Variants in HDAC9 observed in about 807,000 individuals in gnomAD.
The protein encoded by HDAC9 is histone deacetylase 9.
In HDAC9, 41 loss-of-function variants were observed where a neutral mutation model predicts 139.4. The observed-to-expected ratio is 0.29, with a 90% confidence interval of 0.23 to 0.38. The LOEUF is 0.38. Ranked by LOEUF, HDAC9 falls within the 10% of genes least tolerant of loss-of-function variation. The pLI, the probability that HDAC9 is intolerant of heterozygous loss-of-function variation, is 1.00. For synonymous variants in HDAC9, 517 were observed against 476.2 expected (o/e 1.09, Z -1.12); for missense variants, 1,147 against 1,297.0 (o/e 0.88, Z 1.78).
intron 1 of HDAC9, among the ~76,000 whole-genome samples, chr7:18,292,281 C>T (rs931861020): frequency 1.3e-5 from 2 of 152,032 alleles, no homozygotes; most frequent in Middle Eastern, 6.3e-3. Context: ...GCTACTTACC[C>T]AGCTCATAAG....
chr7:18,136,436 G>A (rs895737339), intron 1 of HDAC9, among the ~76,000 whole-genome samples: 1 of 151,598 alleles, frequency 6.6e-6, no homozygotes, highest in Non-Finnish European at 1.5e-5. Context: ...TATGGTTTTA[G>A]GTCTAACGTT....
intron 2 of HDAC9, among the ~76,000 whole-genome samples, chr7:18,582,520 A>ATTT (rs372889538): frequency 1.3e-5 from 2 of 151,878 alleles, no homozygotes; most frequent in African/African-American, 4.8e-5. Flanking sequence ...ATATATATAT[A>ATTT]TTTTTTAAAT....
At chr7:18,096,322 A>G (rs1425654254) in intron 1 of HDAC9, among the ~76,000 whole-genome samples, 1 of 152,176 alleles carries the variant, frequency 6.6e-6, no homozygotes, top group Non-Finnish European at 1.5e-5. Context: ...AACAGACTTT[A>G]TTTGTTTAGC....
At chr7:18,960,682 A>T (rs1206194155) in intron 24 of HDAC9, among the ~76,000 whole-genome samples, 4 of 152,186 alleles carry the variant, frequency 2.6e-5, no homozygotes, top group African/African-American at 9.6e-5. Flanking sequence ...GGAAAAGGCT[A>T]TAAAAGTAAA....
At chr7:18,260,311 G>GTTTT (rs1356981975) in intron 2 of HDAC9, among the ~76,000 whole-genome samples, 30 of 55,034 alleles carry the variant, frequency 5.5e-4, no homozygotes, top group African/African-American at 1.1e-3. Context: ...ACTTTTTTTT[G>GTTTT]TTTTTTTTTT....
At chr7:18,700,550 A>G (rs1252768280) in intron 12 of HDAC9, among the ~76,000 whole-genome samples, 1 of 152,186 alleles carries the variant, frequency 6.6e-6, no homozygotes, top group Non-Finnish European at 1.5e-5. Flanking sequence ...TTTTTGGAGG[A>G]ACAGTATTGA....
intron 1 of HDAC9, among the ~76,000 whole-genome samples, chr7:18,417,858 C>A (rs1037702060): frequency 6.6e-6 from 1 of 152,120 alleles, no homozygotes; most frequent in African/African-American, 2.4e-5. Context: ...TAATAGAGAT[C>A]TTTTATAGAT....
chr7:18,865,827 T>C (rs12700002), intron 21 of HDAC9, among the ~76,000 whole-genome samples: 78,445 of 151,814 alleles, frequency 0.52, 21,621 homozygotes, highest in African/African-American at 0.72. Context: ...AATAAAAGTT[T>C]TTGTACCATT....
At chr7:18,415,419 T>C (rs1562965440) in intron 1 of HDAC9, among the ~76,000 whole-genome samples, 1 of 152,208 alleles carries the variant, frequency 6.6e-6, no homozygotes, top group Non-Finnish European at 1.5e-5. Context: ...AGTGAATCCA[T>C]CAGGAACCTC....
At chr7:18,458,895 T>C in intron 1 of HDAC9, 1 of 1,533,200 alleles carries the variant, frequency 6.5e-7, no homozygotes, top group Non-Finnish European at 8.7e-7. Context: ...CTGTAGGATC[T>C]TCCCAGGTAG....
At chr7:18,902,294 T>G (rs970002591) in intron 22 of HDAC9, among the ~76,000 whole-genome samples, 2 of 152,172 alleles carry the variant, frequency 1.3e-5, no homozygotes, top group Admixed American at 1.3e-4. Context: ...TGGGGCTGTT[T>G]AGTAAAATAT....
chr7:18,712,768 G>A (rs1207906541), intron 12 of HDAC9, among the ~76,000 whole-genome samples: 4 of 152,096 alleles, frequency 2.6e-5, no homozygotes, highest in African/African-American at 7.2e-5. Flanking sequence ...ATTTTGAATA[G>A]CAATGTTTGA....
chr7:18,788,569 A>C (rs1331644206), intron 16 of HDAC9, among the ~76,000 whole-genome samples: 1 of 152,096 alleles, frequency 6.6e-6, no homozygotes, highest in Non-Finnish European at 1.5e-5. Flanking sequence ...AGCCTGGCCA[A>C]CATGGTGAAA....
At position 18,520,079 on chromosome 7, in the gene HDAC9, A is replaced by G. The variant is rs574563808; in HGVS notation, c.22+23755A>G. Among the ~76,000 whole-genome samples the G allele has an allele frequency of 8.5e-5, 13 of 152,206 alleles. No homozygotes were observed. The South Asian group carries it at 2.1e-3, about 24-fold the overall frequency. ...AAAAGTAGTAAAAGTATTTTAACCC[A>G]AAGAAAAAAAATGCTAGCATGAAAA... On this transcript the variant is annotated intron_variant, in intron 2 of 25. Transcript: ENST00000686413.
chr7:18,837,796 C>A (rs541650675), intron 21 of HDAC9, among the ~76,000 whole-genome samples: 3 of 152,082 alleles, frequency 2.0e-5, no homozygotes, highest in Middle Eastern at 6.8e-3. Context: ...ATAATGTAAA[C>A]GCAGATATTA....
chr7:18,584,037 C>A (rs1401854844), intron 2 of HDAC9, among the ~76,000 whole-genome samples: 1 of 151,532 alleles, frequency 6.6e-6, no homozygotes, highest in Non-Finnish European at 1.5e-5. Context: ...GGATGCTGGT[C>A]ATTCAAAATG....
At chr7:18,180,263 AC>A (rs1194824580) in intron 2 of HDAC9, among the ~76,000 whole-genome samples, 2 of 149,542 alleles carry the variant, frequency 1.3e-5, no homozygotes, top group Non-Finnish European at 3.0e-5. Context: ...ACACACACAC[AC>A]ACACACACAC....
intron 21 of HDAC9, among the ~76,000 whole-genome samples, chr7:18,865,678 A>G (rs1312915418): frequency 3.3e-5 from 5 of 152,172 alleles, no homozygotes; most frequent in African/African-American, 1.2e-4. Flanking sequence ...GAATCTGTAT[A>G]GACAGTTCTT....
intron 1 of HDAC9, among the ~76,000 whole-genome samples, chr7:18,420,825 G>A (rs1282136007): frequency 1.3e-5 from 2 of 152,220 alleles, no homozygotes; most frequent in African/African-American, 4.8e-5. Context: ...AAGCAATTAA[G>A]TGTGCTTGGA....
Sources: gnomAD v4.1 joint callset for allele counts (sites outside exome capture counted in the v4.1 genomes callset) on GRCh38, gnomAD v4.1.1 for gene constraint, MANE v1.5 for transcripts, NCBI Gene and HGNC (gene_info 2026-07-23, HGNC 2026-07-21) for gene names.